Variants in GAB1 observed in about 807,000 individuals in gnomAD.
GAB1 encodes GRB2-associated-binding protein 1.
A neutral mutation model predicts 66.5 loss-of-function variants in GAB1; 19 were observed. The ratio of observed to expected loss-of-function variants is 0.29; its 90% confidence interval spans 0.20 to 0.42. GAB1 has a LOEUF of 0.42. Among genes scored for constraint, GAB1 ranks in the 10% least tolerant of loss-of-function variants. The probability of loss-of-function intolerance (pLI) is 1.00; values close to 1 mark genes in which losing one functional copy is unlikely to be tolerated. For synonymous variants in GAB1, 294 were observed against 301.4 expected (o/e 0.98, Z 0.25); for missense variants, 732 against 858.5 (o/e 0.85, Z 1.84).
At position 143,411,463 on chromosome 4, in the gene GAB1, G is replaced by T. The variant is rs770731805; in HGVS notation, c.73-4014G>T. ...GTAATGGAAGTCTAGTCGTTAAAAT[G>T]ATTTTTTGTGTGAATTTCTTTTAAA... On this transcript the variant is annotated intron_variant, in intron 1 of 9. Transcript: ENST00000262994. Among the ~76,000 whole-genome samples the T allele has an allele frequency of 1.5e-3, 231 of 152,134 alleles. 3 individuals carry two copies. The highest frequency in any genetic ancestry group is 2.9e-4 in the Non-Finnish European group (20 of 68,018).
intron 2 of GAB1, among the ~76,000 whole-genome samples, chr4:143,433,197 A>C (rs1733766044): frequency 6.6e-6 from 1 of 152,212 alleles, no homozygotes; most frequent in African/African-American, 2.4e-5. Flanking sequence ...CTAAGGTTGT[A>C]GAACAGCTTC....
intron 6 of GAB1, among the ~76,000 whole-genome samples, chr4:143,448,193 A>G (rs1578733256): frequency 6.6e-6 from 1 of 151,832 alleles, no homozygotes; most frequent in Admixed American, 6.6e-5. Context: ...TCTGTTTGCC[A>G]GTATTTTATT....
intron 1 of GAB1, among the ~76,000 whole-genome samples, chr4:143,339,353 A>G (rs1018315658): frequency 1.3e-5 from 2 of 152,232 alleles, no homozygotes; most frequent in African/African-American, 2.4e-5. Context: ...TCTACTAAAA[A>G]TACAAAAAAT....
At chr4:143,455,377 A>G (rs976518437) in intron 6 of GAB1, among the ~76,000 whole-genome samples, 1 of 152,228 alleles carries the variant, frequency 6.6e-6, no homozygotes, top group African/African-American at 2.4e-5. Flanking sequence ...GTGAGAAACC[A>G]TAACTCGGTA....
intron 1 of GAB1, 86 bp downstream of exon 1, chr4:143,337,346 G>T: frequency 8.7e-7 from 1 of 1,146,470 alleles, no homozygotes; most frequent in Admixed American, 2.0e-5. Context: ...AGCTGGCCGC[G>T]CGCGGGGCTG....
chr4:143,379,339 C>T (rs74546686), intron 1 of GAB1, among the ~76,000 whole-genome samples: 3,690 of 152,054 alleles, frequency 0.024, 68 homozygotes, highest in African/African-American at 0.048. Context: ...AATCTTAAGC[C>T]GGATAGGTTA....
rs760947223 is a variant in GAB1 at position 143,413,881 on chromosome 4, G to A, written c.73-1596G>A. On this transcript the variant is annotated intron_variant, in intron 1 of 9. Transcript: ENST00000262994. ...AGTCTTCTTCTGTCCAGGCTGGAGC[G>A]CAGTGATCTCAGCTCACTGCAACTG... Among the ~76,000 whole-genome samples, 6 of 131,122 alleles carry A rather than the reference G, an allele frequency of 4.6e-5. No homozygotes were observed. In the East Asian group the frequency reaches 9.0e-4, roughly 20 times the overall value. The allele number at this position is 131,122 out of a possible 152,430, so 86.0% of individuals were successfully genotyped here. A position where few individuals can be genotyped will look rare whatever the true frequency, so the allele number is the denominator to read the frequency against.
chr4:143,450,142 G>A (rs1734834182), intron 6 of GAB1, among the ~76,000 whole-genome samples: 1 of 151,844 alleles, frequency 6.6e-6, no homozygotes, highest in South Asian at 2.1e-4. Context: ...CCTTAATGTG[G>A]GGTTTTTTCC....
intron 1 of GAB1, among the ~76,000 whole-genome samples, chr4:143,342,053 A>G (rs184599046): frequency 6.6e-6 from 1 of 152,336 alleles, no homozygotes; most frequent in Admixed American, 6.5e-5. Flanking sequence ...CAATGTTTTT[A>G]CCTTTTCAAG....
At chr4:143,457,656 G>C (rs769326077) in intron 6 of GAB1, 2 of 736,256 alleles carry the variant, frequency 2.7e-6, no homozygotes, top group Non-Finnish European at 4.2e-6. Flanking sequence ...ATTATATTAA[G>C]AGAGTCTTCT....
chr4:143,444,053 A>C (rs1734379604), intron 6 of GAB1, among the ~76,000 whole-genome samples: 1 of 152,198 alleles, frequency 6.6e-6, no homozygotes, highest in Admixed American at 6.5e-5. Context: ...AAATATTGGG[A>C]AAGCAGATGA....
intron 6 of GAB1, among the ~76,000 whole-genome samples, chr4:143,455,366 AGT>A (rs1031778315): frequency 6.6e-6 from 1 of 152,214 alleles, no homozygotes; most frequent in African/African-American, 2.4e-5. Flanking sequence ...CTAGAGAAAA[AGT>A]GAGAAACCAT....
intron 2 of GAB1, chr4:143,425,005 C>A (rs1305551797): frequency 2.9e-6 from 2 of 701,506 alleles, no homozygotes; most frequent in African/African-American, 1.8e-5. Flanking sequence ...GGGGTCCATA[C>A]GGCGTTGTTC....
At chr4:143,460,088 C>T (rs548152367) in intron 7 of GAB1, among the ~76,000 whole-genome samples, 3 of 152,114 alleles carry the variant, frequency 2.0e-5, no homozygotes, top group Non-Finnish European at 4.4e-5. Context: ...CATTTTATAT[C>T]TGTAACTTTC....
chr4:143,460,649 TA>T (rs1735442108), intron 8 of GAB1, among the ~76,000 whole-genome samples, 162 bp downstream of exon 8: 1 of 151,900 alleles, frequency 6.6e-6, no homozygotes, highest in South Asian at 2.1e-4. Flanking sequence ...TCATAAACTC[TA>T]AAACCAATAA....
chr4:143,407,030 C>T (rs570778080), intron 1 of GAB1, among the ~76,000 whole-genome samples: 83 of 152,262 alleles, frequency 5.5e-4, no homozygotes, highest in African/African-American at 1.8e-3. Context: ...GCAGACCAGC[C>T]TCATACCAAA....
chr4:143,466,650 T>C, intron 9 of GAB1, among the ~76,000 whole-genome samples: 1 of 151,748 alleles, frequency 6.6e-6, no homozygotes, highest in Admixed American at 6.6e-5. Context: ...CCACCACTCC[T>C]GGCTAATTTT....
chr4:143,373,044 AACACACACACACAC>A (rs36205621), intron 1 of GAB1, among the ~76,000 whole-genome samples: 5 of 148,154 alleles, frequency 3.4e-5, no homozygotes, highest in Non-Finnish European at 6.0e-5. Flanking sequence ...TTCCTTTAAA[AACACACACACACAC>A]ACACACACAC....
In GAB1 at chr4:143,474,108, C is replaced by CTG. The variant is rs1466578050; in HGVS notation, c.*4921_*4922dup. On this transcript the variant is annotated 3_prime_UTR_variant, in exon 10 of 10. Transcript: ENST00000262994. ...TCTGTAATGGGAGGCATTTTATTAG[C>CTG]TGTTGTGATTGGGTAACATGTCCCC... The CTG allele has an allele frequency of 1.3e-5, 2 of 152,138 alleles. No homozygotes were observed. Among genetic ancestry groups the CTG allele is most frequent in the African/African-American group, 4.8e-5 (2 of 41,434 alleles). 9.4% of individuals were successfully genotyped at this position (152,138 alleles called of 1,614,324 possible).
Sources: allele counts gnomAD v4.1 joint callset (sites outside exome capture counted in the v4.1 genomes callset), GRCh38; gene constraint gnomAD v4.1.1; transcripts MANE v1.5; gene names NCBI Gene and HGNC (gene_info 2026-07-23, HGNC 2026-07-21).